DECR1: variants seen among roughly 807,000 people sequenced by gnomAD.
DECR1 encodes the protein 2,4-dienoyl-CoA reductase [(3E)-enoyl-CoA-producing], mitochondrial.
DECR1 carries 44 observed loss-of-function variants against 38.8 expected under a neutral mutation model. That is an observed-to-expected ratio of 1.13 (90% CI 0.89 to 1.46). The LOEUF (loss-of-function observed/expected upper bound fraction) is 1.46, where lower values mean the gene tolerates loss of function less well. DECR1 is among the 40% of genes most tolerant of loss of function. The pLI, the probability that DECR1 is intolerant of heterozygous loss-of-function variation, is 0.00. For missense variants in DECR1, 428 were observed against 405.5 expected (o/e 1.06, Z -0.48); for synonymous variants, 148 against 135.2 (o/e 1.09, Z -0.66).
chr8:90,001,629 G>A (rs1812614048), intron 1 of DECR1, 68 bp downstream of exon 1: 3 of 1,441,626 alleles, frequency 2.1e-6, no homozygotes, highest in African/African-American at 1.4e-5. Flanking sequence ...AGGACAGGGC[G>A]TCACGGGGGC....
chr8:90,023,544 TA>T (rs764459273), intron 5 of DECR1, among the ~76,000 whole-genome samples: 12 of 152,114 alleles, frequency 7.9e-5, no homozygotes, highest in Non-Finnish European at 1.8e-4. Flanking sequence ...ATTGAATAGG[TA>T]AAAACTTAGA....
chr8:90,026,998 AC>A (rs1563637424), intron 5 of DECR1, among the ~76,000 whole-genome samples: 1 of 152,134 alleles, frequency 6.6e-6, no homozygotes, highest in African/African-American at 2.4e-5. Flanking sequence ...TCATTCAGGA[AC>A]AGATTGTTCA....
Position 90,051,912 on chromosome 8 carries a change from T to TGTTGCCCAAACTGGAGTG in DECR1, c.*15_*16insGTTGCCCAAACTGGAGTG, listed in dbSNP as rs758008347. Reference sequence around the variant, plus strand: ...AAGGTTCCTAAGACCACTTTGGCCTTCATCTTGGTTACAGAAAAGGGAATA... The same window carrying TGTTGCCCAAACTGGAGTG: ...AAGGTTCCTAAGACCACTTTGGCCTTGTTGCCCAAACTGGAGTGCATCTTGGTTACAGAAAAGGGAATA... On this transcript the variant is annotated 3_prime_UTR_variant, in exon 10 of 10. Coordinates refer to ENST00000220764, the MANE Select transcript of DECR1 (RefSeq NM_001359.2). The TGTTGCCCAAACTGGAGTG allele has an allele frequency of 6.2e-7, 1 of 1,610,758 alleles. No homozygotes were observed. The highest frequency in any genetic ancestry group is 1.7e-5 in the Admixed American group (1 of 59,604).
intron 5 of DECR1, among the ~76,000 whole-genome samples, chr8:90,035,883 T>C (rs1813606934): frequency 6.6e-6 from 1 of 152,100 alleles, no homozygotes; most frequent in African/African-American, 2.4e-5. Context: ...TTTCAGCAAG[T>C]ATATAGTAGT....
chr8:90,012,442 C>T (rs956006432), intron 1 of DECR1, among the ~76,000 whole-genome samples: 1 of 152,090 alleles, frequency 6.6e-6, no homozygotes, highest in East Asian at 1.9e-4. Flanking sequence ...TGTTAGCTAC[C>T]GTGCCCGGCC....
intron 8 of DECR1, among the ~76,000 whole-genome samples, chr8:90,049,481 T>G (rs964245075): frequency 2.0e-4 from 31 of 151,988 alleles, no homozygotes; most frequent in Admixed American, 4.6e-4. Flanking sequence ...GGATGTGAAG[T>G]ACCTCTTCAA....
At chr8:90,050,325 A>G (rs1814042801) in intron 8 of DECR1, among the ~76,000 whole-genome samples, 1 of 152,142 alleles carries the variant, frequency 6.6e-6, no homozygotes, top group African/African-American at 2.4e-5. Flanking sequence ...TTAAATTTAC[A>G]AGAAAAAATC....
At chr8:90,017,767 T>C (rs960693127) in intron 2 of DECR1, among the ~76,000 whole-genome samples, 13 of 150,254 alleles carry the variant, frequency 8.7e-5, no homozygotes, top group African/African-American at 2.9e-4. Context: ...AAAAGAAACA[T>C]TTTTTTTTTA....
At chr8:90,020,796 G>A (rs888313304) in intron 4 of DECR1, 113 bp from the exon 5 acceptor site, 34 of 773,304 alleles carry the variant, frequency 4.4e-5, no homozygotes, top group Non-Finnish European at 6.2e-5. Context: ...AGGTAGCTGT[G>A]GACTTCAACT....
intron 7 of DECR1, among the ~76,000 whole-genome samples, chr8:90,043,477 A>C (rs375708110): frequency 1.1e-3 from 164 of 152,218 alleles, no homozygotes; most frequent in African/African-American, 3.6e-3. Flanking sequence ...AAATAACTTC[A>C]CTCACACTTC....
At chr8:90,028,319 T>C (rs1426871443) in intron 5 of DECR1, among the ~76,000 whole-genome samples, 1 of 152,200 alleles carries the variant, frequency 6.6e-6, no homozygotes, top group Non-Finnish European at 1.5e-5. Context: ...AATGTTGGCC[T>C]CATGTCTATT....
At chr8:90,050,876 G>A (rs1436184430) in intron 8 of DECR1, among the ~76,000 whole-genome samples, 3 of 152,114 alleles carry the variant, frequency 2.0e-5, no homozygotes, top group Admixed American at 2.0e-4. Context: ...CCTTTGTAGG[G>A]ACATGGATGA....
chr8:90,016,197 C>T (rs945893038), intron 1 of DECR1, among the ~76,000 whole-genome samples: 7 of 152,074 alleles, frequency 4.6e-5, no homozygotes, highest in African/African-American at 1.7e-4. Flanking sequence ...GTTTTGTGGC[C>T]AGAAGCTAGC....
At chr8:90,009,210 T>C (rs1812822607) in intron 1 of DECR1, among the ~76,000 whole-genome samples, 1 of 152,176 alleles carries the variant, frequency 6.6e-6, no homozygotes, top group Non-Finnish European at 1.5e-5. Flanking sequence ...ACTGGCTTCC[T>C]GACTGTTACC....
At chr8:90,016,730 A>G (rs1294266343) in intron 1 of DECR1, 2 of 160,478 alleles carry the variant, frequency 1.2e-5, no homozygotes, top group Admixed American at 6.4e-5. Context: ...GCAGCTAATA[A>G]TGGTAGCATT....
intron 1 of DECR1, among the ~76,000 whole-genome samples, chr8:90,004,218 G>A (rs941737614): frequency 2.6e-5 from 4 of 151,490 alleles, no homozygotes; most frequent in Admixed American, 6.6e-5. Context: ...AGCTACTCAG[G>A]AGGCTGAGGC....
At chr8:90,030,659 G>A (rs528976768) in intron 5 of DECR1, 1 of 152,360 alleles carries the variant, frequency 6.6e-6, no homozygotes, top group Admixed American at 6.5e-5. Context: ...AGTGGGAAGA[G>A]TAGAGCATAG....
chr8:90,028,882 T>C (rs186722102), intron 5 of DECR1, among the ~76,000 whole-genome samples: 1 of 152,134 alleles, frequency 6.6e-6, no homozygotes, highest in South Asian at 2.1e-4. Flanking sequence ...AAGTAAGTGC[T>C]CTTTTATTCC....
At chr8:90,040,454 C>A (rs546443751) in intron 6 of DECR1, among the ~76,000 whole-genome samples, 2 of 152,250 alleles carry the variant, frequency 1.3e-5, no homozygotes, top group East Asian at 3.9e-4. Context: ...TAACGGATGT[C>A]TGATAGTTTC....
Sources: allele counts gnomAD v4.1 joint callset (sites outside exome capture counted in the v4.1 genomes callset), GRCh38; gene constraint gnomAD v4.1.1; transcripts MANE v1.5; gene names NCBI Gene and HGNC (gene_info 2026-07-23, HGNC 2026-07-21).